FHAD1: variants seen among roughly 807,000 people sequenced by gnomAD.
The protein encoded by FHAD1 is forkhead associated phosphopeptide binding domain 1, also known as forkhead-associated domain-containing protein 1.
In FHAD1, 146 loss-of-function variants were observed where a neutral mutation model predicts 191.3. That is an observed-to-expected ratio of 0.76 (90% CI 0.67 to 0.88). The LOEUF (loss-of-function observed/expected upper bound fraction) is 0.88, where lower values mean the gene tolerates loss of function less well. Ranked by LOEUF, FHAD1 falls within the 40% of genes least tolerant of loss-of-function variation. The pLI is 0.00. For synonymous variants in FHAD1, 616 were observed against 672.3 expected, an observed-to-expected ratio of 0.92 and a Z score of 1.29; for missense variants, 1,635 against 1,785.8, an observed-to-expected ratio of 0.92 and a Z score of 1.52.
intron 32 of FHAD1, chr1:15,388,463 A>T (rs1003763298): frequency 9.6e-7 from 1 of 1,046,168 alleles, no homozygotes; most frequent in Non-Finnish European, 1.2e-6. Context: ...GCTTCAGCTC[A>T]TGGAGCAGCC....
intron 14 of FHAD1, among the ~76,000 whole-genome samples, chr1:15,333,824 C>CTTTTTTTTTTTTTTTTTTTTTT (rs55698715): frequency 4.6e-5 from 3 of 64,802 alleles, no homozygotes; most frequent in African/African-American, 5.9e-5. Context: ...TTTTATTTAT[C>CTTTTTTTTTTTTTTTTTTTTTT]TTTTTTTTTT....
At chr1:15,352,833 C>A in intron 19 of FHAD1, 44 bp from the exon 20 acceptor site, 4 of 1,417,976 alleles carry the variant, frequency 2.8e-6, no homozygotes, top group Non-Finnish European at 3.9e-6. Flanking sequence ...GTGTCATTTC[C>A]CTTTGAGGGC....
intron 2 of FHAD1, among the ~76,000 whole-genome samples, chr1:15,267,635 A>G (rs940887864): frequency 2.6e-5 from 4 of 151,968 alleles, no homozygotes; most frequent in African/African-American, 7.2e-5. Flanking sequence ...TCTTTAATAG[A>G]TAAGGGCCCA....
Position 15,277,940 on chromosome 1 carries a change from T to G in FHAD1, c.300+5411T>G, listed in dbSNP as rs78682211. 2.9e-3 allele frequency among the ~76,000 whole-genome samples: 441 copies of G among 152,296 alleles called. 2 individuals carry two copies. The highest frequency in any genetic ancestry group is 9.7e-3 in the African/African-American group (405 of 41,560). Reference sequence around the variant, plus strand: ...ATGATCTCATTTAGTTCTCGCAAAGTAAGAAGTATCTGTTGTCATCTCCAT... The same window carrying G: ...ATGATCTCATTTAGTTCTCGCAAAGGAAGAAGTATCTGTTGTCATCTCCAT... On this transcript the variant is annotated intron_variant, in intron 3 of 33. Transcript: ENST00000688493.
chr1:15,268,940 G>A (rs976537720), intron 2 of FHAD1, among the ~76,000 whole-genome samples: 2 of 151,692 alleles, frequency 1.3e-5, no homozygotes, highest in Non-Finnish European at 1.5e-5. Context: ...CTCCCATTTT[G>A]TAGGTTGCCT....
At chr1:15,257,000 A>G (rs1648512906) in intron 2 of FHAD1, among the ~76,000 whole-genome samples, 1 of 152,164 alleles carries the variant, frequency 6.6e-6, no homozygotes, top group Admixed American at 6.5e-5. Context: ...ACACAACAGA[A>G]CCATCCAACC....
At chr1:15,337,577 C>T (rs891736011) in intron 14 of FHAD1, among the ~76,000 whole-genome samples, 2 of 152,122 alleles carry the variant, frequency 1.3e-5, no homozygotes, top group African/African-American at 4.8e-5. Context: ...TAGGGGTGCC[C>T]CTGGCATCCA....
intron 14 of FHAD1, chr1:15,334,596 T>TCCTATG (rs1199337228): frequency 2.0e-5 from 3 of 152,186 alleles, no homozygotes; most frequent in Non-Finnish European, 2.9e-5. Context: ...CCATCCAGTC[T>TCCTATG]CCTAGCGGCA....
chr1:15,370,572 C>T (rs1055440712), intron 26 of FHAD1, among the ~76,000 whole-genome samples: 4 of 152,200 alleles, frequency 2.6e-5, no homozygotes, highest in Non-Finnish European at 4.4e-5. Context: ...CGAAGAGCCA[C>T]GTAGTGAGTG....
intron 2 of FHAD1, among the ~76,000 whole-genome samples, chr1:15,264,728 G>A (rs2101052953): frequency 6.6e-6 from 1 of 152,142 alleles, no homozygotes; most frequent in East Asian, 1.9e-4. Context: ...AAGTGGTGAG[G>A]GTGGGCATCT....
chr1:15,391,920 A>G (rs1483686787), intron 33 of FHAD1, among the ~76,000 whole-genome samples: 2 of 152,154 alleles, frequency 1.3e-5, no homozygotes, highest in East Asian at 3.9e-4. Flanking sequence ...CCTGTTGCTT[A>G]CTCATCCACA....
chr1:15,285,968 G>C (rs903101691), intron 3 of FHAD1, among the ~76,000 whole-genome samples: 10 of 152,240 alleles, frequency 6.6e-5, no homozygotes, highest in African/African-American at 2.4e-4. Context: ...AATGTTGTAT[G>C]AATCCACTTA....
At chr1:15,347,068 A>G (rs1689157677) in intron 18 of FHAD1, among the ~76,000 whole-genome samples, 1 of 152,192 alleles carries the variant, frequency 6.6e-6, no homozygotes, top group South Asian at 2.1e-4. Flanking sequence ...GTGCCATTTG[A>G]TCTGACCCAG....
rs1318294256 is a variant in FHAD1 at position 15,240,007 on chromosome 1, C to A, written c.-15+3246C>A. ...GGCGCCCAATTACCTCTGGTGTTCACACCTCTGTGGTATCCTCTCCCTTGA... is the reference window on the plus strand; with the variant it reads ...GGCGCCCAATTACCTCTGGTGTTCAAACCTCTGTGGTATCCTCTCCCTTGA... On this transcript the variant is annotated intron_variant, in intron 1 of 33. Coordinates refer to the FHAD1 transcript ENST00000683790. 2.0e-5 allele frequency among the ~76,000 whole-genome samples: 3 copies of A among 152,226 alleles called. No individual in the cohort carries two copies. The East Asian group carries it at 5.8e-4, about 29-fold the overall frequency.
upstream of FHAD1, among the ~76,000 whole-genome samples, chr1:15,242,341 TACTTG>T (rs1352587275): frequency 6.6e-6 from 1 of 152,148 alleles, no homozygotes; most frequent in Non-Finnish European, 1.5e-5. Flanking sequence ...CTGGTTAAGT[TACTTG>T]ACTTTTCTGT....
At chr1:15,278,095 C>T (rs564324235) in intron 3 of FHAD1, among the ~76,000 whole-genome samples, 1 of 152,268 alleles carries the variant, frequency 6.6e-6, no homozygotes, top group East Asian at 1.9e-4. Context: ...CAGACTACAT[C>T]CCATGGGCCA....
rs527754276 is a variant in FHAD1, at chr1:15,297,183, C to G, written c.678+390C>G. 3.5e-3 allele frequency among the ~76,000 whole-genome samples: 530 copies of G among 152,202 alleles called. 1 individual carries two copies. The highest frequency in any genetic ancestry group is 0.012 in the African/African-American group (511 of 41,518). On this transcript the variant is annotated intron_variant, in intron 5 of 33. Coordinates refer to ENST00000688493, the MANE Select transcript of FHAD1 (RefSeq NM_001391957.1). ...TTCACACCCAGGTCTGGTTAACTTC[C>G]CTAGTGGGAGGAAGTGAGAGCTGAG...
At chr1:15,341,938 C>T (rs1384559624) in intron 16 of FHAD1, 50 bp downstream of exon 16, 4 of 1,507,292 alleles carry the variant, frequency 2.7e-6, no homozygotes, top group Non-Finnish European at 3.6e-6. Flanking sequence ...GATGAAATGG[C>T]CTTTTCTATG....
rs59353142 is a variant in FHAD1, at chr1:15,390,344, C to CAAA, written c.4270-845_4270-843dup. Among the ~76,000 whole-genome samples, 290 of 69,202 alleles carry CAAA rather than the reference C, an allele frequency of 4.2e-3. 4 individuals carry two copies. Among genetic ancestry groups the CAAA allele is most frequent in the African/African-American group, 0.015 (269 of 17,894 alleles). The allele number at this position is 69,202 out of a possible 152,430, so 45.4% of individuals were successfully genotyped here. A position where few individuals can be genotyped will look rare whatever the true frequency, so the allele number is the denominator to read the frequency against. ...TGGGTGACAGAGTAAGACTCTGTCTCAAAAAAAAAAAAAAAAAAAAAAAGG... is the reference window on the plus strand; with the variant it reads ...TGGGTGACAGAGTAAGACTCTGTCTCAAAAAAAAAAAAAAAAAAAAAAAAAAGG... On this transcript the variant is annotated intron_variant, in intron 32 of 33. Coordinates refer to ENST00000688493, the MANE Select transcript of FHAD1 (RefSeq NM_001391957.1).
Sources: gnomAD v4.1 joint callset for allele counts (sites outside exome capture counted in the v4.1 genomes callset) on GRCh38, gnomAD v4.1.1 for gene constraint, MANE v1.5 for transcripts, NCBI Gene and HGNC (gene_info 2026-07-23, HGNC 2026-07-21) for gene names.